Variants in BAIAP2L1 observed in about 807,000 individuals in gnomAD.
BAIAP2L1 encodes BAR/IMD domain-containing adapter protein 2-like 1.
In BAIAP2L1, 35 loss-of-function variants were observed where a neutral mutation model predicts 66.3. The ratio of observed to expected loss-of-function variants is 0.53; its 90% confidence interval spans 0.40 to 0.70. The LOEUF is 0.70. BAIAP2L1 is among the 30% of genes least tolerant of loss of function. The pLI, the probability that BAIAP2L1 is intolerant of heterozygous loss-of-function variation, is 0.00. For synonymous variants in BAIAP2L1, 269 were observed against 248.7 expected (o/e 1.08, Z -0.77); for missense variants, 622 against 656.9 (o/e 0.95, Z 0.58).
At chr7:98,301,750 G>T (rs34695842) in intron 12 of BAIAP2L1, among the ~76,000 whole-genome samples, 58,109 of 151,926 alleles carry the variant, frequency 0.38, 12,692 homozygotes, top group Middle Eastern at 0.54. Context: ...TGGCAGGTGC[G>T]GCCTGTGGAG....
At position 98,395,230 on chromosome 7, in the gene BAIAP2L1, G is replaced by A. The variant is rs1584511197; in HGVS notation, c.51+5572C>T. Among the ~76,000 whole-genome samples, 4 of 152,160 alleles carry A rather than the reference G, an allele frequency of 2.6e-5. No individual in the cohort carries two copies. The East Asian group carries it at 5.8e-4, about 22-fold the overall frequency. ...CGAGGTGGGTGGATCACGAGGTCAGGAGTTCGAGACCAGCCTGACCAACAT... is the reference window on the plus strand; with the variant it reads ...CGAGGTGGGTGGATCACGAGGTCAGAAGTTCGAGACCAGCCTGACCAACAT... On this transcript the variant is annotated intron_variant, in intron 1 of 13. Transcript: ENST00000005260.
At chr7:98,360,256 G>A (rs1416719284) in intron 2 of BAIAP2L1, among the ~76,000 whole-genome samples, 2 of 151,748 alleles carry the variant, frequency 1.3e-5, no homozygotes, top group Non-Finnish European at 2.9e-5. Flanking sequence ...TGTAGTGACG[G>A]GGTCTCGAAT....
intron 1 of BAIAP2L1, among the ~76,000 whole-genome samples, chr7:98,381,503 A>C (rs190865855): frequency 6.6e-6 from 1 of 152,312 alleles, no homozygotes. Flanking sequence ...CTGGGCGTGC[A>C]GGTACAGTCT....
At position 98,315,612 on chromosome 7, in the gene BAIAP2L1, A is replaced by G. The variant is rs1413113745; in HGVS notation, c.487T>C (p.Tyr163His). The G allele has an allele frequency of 5.0e-6, 6 of 1,204,376 alleles. No homozygotes were observed. Among genetic ancestry groups the G allele is most frequent in the Non-Finnish European group, 6.5e-6 (6 of 919,872 alleles). The allele number at this position is 1,204,376 out of a possible 1,614,324, so 74.6% of individuals were successfully genotyped here. Reference protein sequence around the residue: ...ALKYEHKEIEYVETVTSRQSE... With the variant: ...ALKYEHKEIEHVETVTSRQSE... Reference sequence around the variant, plus strand: ...TGACGAGAAGTAACGGTCTCCACATACTAAAAAAAAAAAAATAATAATAAT... The same window carrying G: ...TGACGAGAAGTAACGGTCTCCACATGCTAAAAAAAAAAAAATAATAATAAT... The change falls in exon 7 of 14, where the codon TAT (tyrosine) becomes CAT (histidine). Residue 163 changes from tyrosine (Y) to histidine (H), a missense_variant and splice_region_variant. Transcript: ENST00000005260.
chr7:98,335,010 G>A (rs897574335), intron 3 of BAIAP2L1, among the ~76,000 whole-genome samples: 19 of 150,516 alleles, frequency 1.3e-4, no homozygotes, highest in East Asian at 2.0e-4. Flanking sequence ...AAAAGTAGCC[G>A]GGCGTGGTGG....
chr7:98,298,023 G>A (rs1468963472), intron 12 of BAIAP2L1, among the ~76,000 whole-genome samples: 1 of 152,094 alleles, frequency 6.6e-6, no homozygotes, highest in Non-Finnish European at 1.5e-5. Context: ...CTGAGGTCAG[G>A]AGTTCAAGAC....
At position 98,292,327 on chromosome 7, in the gene BAIAP2L1, T is replaced by C. The variant is rs867783230; in HGVS notation, c.*1194A>G. 4.3e-5 allele frequency: 15 copies of C among 351,322 alleles called. 1 individual carries two copies. Among genetic ancestry groups the C allele is most frequent in the Middle Eastern group, 8.7e-4 (1 of 1,154 alleles). 21.8% of individuals were successfully genotyped at this position (351,322 alleles called of 1,614,324 possible). ...ACCTCTGCCTCCCGGGTTCAAGTGA[T>C]TCTCCTGCCTCAGCCTCCTGAGTGG... On this transcript the variant is annotated 3_prime_UTR_variant, in exon 14 of 14. Coordinates refer to ENST00000005260, the MANE Select transcript of BAIAP2L1 (RefSeq NM_018842.5).
chr7:98,334,237 T>C (rs1221014498), intron 3 of BAIAP2L1, among the ~76,000 whole-genome samples: 1 of 152,192 alleles, frequency 6.6e-6, no homozygotes, highest in East Asian at 1.9e-4. Context: ...CTAACAGCCC[T>C]GCCTTCGAGT....
At chr7:98,397,385 C>A (rs563580869) in intron 1 of BAIAP2L1, among the ~76,000 whole-genome samples, 1 of 138,140 alleles carries the variant, frequency 7.2e-6, no homozygotes, top group Non-Finnish European at 1.5e-5. Flanking sequence ...AGTGCAGTGG[C>A]GCCATCTTGG....
intron 3 of BAIAP2L1, among the ~76,000 whole-genome samples, chr7:98,334,706 C>T (rs1282920691): frequency 5.9e-5 from 9 of 151,846 alleles, no homozygotes; most frequent in Non-Finnish European, 1.3e-4. Flanking sequence ...CCACCACGCC[C>T]AGCTACTTTT....
chr7:98,319,115 G>A (rs35636211), intron 5 of BAIAP2L1, among the ~76,000 whole-genome samples: 17,953 of 152,146 alleles, frequency 0.12, 1,315 homozygotes, highest in South Asian at 0.23. Flanking sequence ...GAGGACGACA[G>A]GGGAGGGATG....
rs1343878872 is a variant in BAIAP2L1 at position 98,310,433 on chromosome 7, T to A, written c.955+12A>T. 3 of 1,577,342 alleles carry A rather than the reference T, an allele frequency of 1.9e-6. No individual in the cohort carries two copies. In the South Asian group the frequency reaches 3.6e-5, roughly 19 times the overall value. On this transcript the variant is annotated intron_variant, in intron 9 of 13. Transcript: ENST00000005260. ...AAAGGTATCTTCAAATAAATCAGAC[T>A]GAATCTCTTACCTGTTGAATTATTT... is the stretch of plus-strand genomic sequence containing the variant.
chr7:98,361,288 C>T (rs1802265428), intron 2 of BAIAP2L1, among the ~76,000 whole-genome samples: 1 of 151,216 alleles, frequency 6.6e-6, no homozygotes, highest in Non-Finnish European at 1.5e-5. Flanking sequence ...GCCTGGGAGG[C>T]AGAGGTTGCA....
chr7:98,378,408 G>T (rs1183969889), intron 1 of BAIAP2L1, among the ~76,000 whole-genome samples: 2 of 152,078 alleles, frequency 1.3e-5, no homozygotes, highest in African/African-American at 4.8e-5. Flanking sequence ...GCTCCACCTG[G>T]GTTTGGGCTG....
At chr7:98,294,391 C>T (rs1800099716) in intron 12 of BAIAP2L1, among the ~76,000 whole-genome samples, 1 of 152,198 alleles carries the variant, frequency 6.6e-6, no homozygotes, top group Non-Finnish European at 1.5e-5. Flanking sequence ...TGTCTAAATT[C>T]ACTTGGAAGA....
At chr7:98,319,779 G>A (rs992583637) in intron 5 of BAIAP2L1, among the ~76,000 whole-genome samples, 19 of 152,196 alleles carry the variant, frequency 1.2e-4, no homozygotes, top group African/African-American at 4.1e-4. Flanking sequence ...TTGAACTACT[G>A]ACCTCAAGTG....
intron 1 of BAIAP2L1, among the ~76,000 whole-genome samples, chr7:98,395,461 G>C (rs1043111097): frequency 6.6e-6 from 1 of 150,630 alleles, no homozygotes; most frequent in Non-Finnish European, 1.5e-5. Context: ...AAAGTTAGGA[G>C]AGGGGCTACC....
At chr7:98,346,632 T>A (rs1801877652) in intron 3 of BAIAP2L1, among the ~76,000 whole-genome samples, 1 of 152,106 alleles carries the variant, frequency 6.6e-6, no homozygotes, top group African/African-American at 2.4e-5. Flanking sequence ...TTGCAGTAAT[T>A]AAGACAGTCT....
At chr7:98,293,657 CA>C (rs1235048174) in intron 13 of BAIAP2L1, 61 bp from the exon 14 acceptor site, 1 of 1,518,898 alleles carries the variant, frequency 6.6e-7, no homozygotes, top group Non-Finnish European at 9.1e-7. Flanking sequence ...TGGATTTTAA[CA>C]GTGCTAATAA....
Sources: allele counts gnomAD v4.1 joint callset (sites outside exome capture counted in the v4.1 genomes callset), GRCh38; gene constraint gnomAD v4.1.1; transcripts MANE v1.5; gene names NCBI Gene and HGNC (gene_info 2026-07-23, HGNC 2026-07-21).